The following USH2A variants were observed in gnomAD, a reference collection of about 807,000 sequenced individuals.
The protein encoded by USH2A is Usher syndrome 2A (autosomal recessive, mild).
USH2A carries 443 observed loss-of-function variants against 538.9 expected under a neutral mutation model. That is an observed-to-expected ratio of 0.82 (90% confidence interval 0.76 to 0.89). The LOEUF (loss-of-function observed/expected upper bound fraction) is 0.89. Among genes scored for constraint, USH2A ranks in the 40% least tolerant of loss-of-function variants. The pLI, the probability that USH2A is intolerant of heterozygous loss-of-function variation, is 0.00. For synonymous variants in USH2A, 2,413 were observed against 2,273.5 expected (o/e 1.06, Z -1.75); for missense variants, 6,633 against 6,324.8 (o/e 1.05, Z -1.65).
intron 50 of USH2A, among the ~76,000 whole-genome samples, chr1:215,797,551 T>C (rs537891425): frequency 6.6e-6 from 1 of 152,220 alleles, no homozygotes; most frequent in South Asian, 2.1e-4. Context: ...CCCATGCTCA[T>C]TGACCACTGC....
At chr1:216,337,638 C>CT (rs1030353886) in intron 4 of USH2A, among the ~76,000 whole-genome samples, 9 of 151,074 alleles carry the variant, frequency 6.0e-5, no homozygotes, top group African/African-American at 2.2e-4. Context: ...GCTCTCACTG[C>CT]TTTTTTTTCC....
chr1:215,958,146 A>C (rs11589248), intron 37 of USH2A, among the ~76,000 whole-genome samples: 28,888 of 151,944 alleles, frequency 0.19, 3,061 homozygotes, highest in African/African-American at 0.29. Context: ...TTTTTTTTCC[A>C]TCTTGTAATT....
chr1:215,919,002 C>A (rs1336777206), intron 38 of USH2A, among the ~76,000 whole-genome samples: 2 of 151,884 alleles, frequency 1.3e-5, no homozygotes, highest in South Asian at 2.1e-4. Flanking sequence ...AATAACGCTT[C>A]TTTTATTTTT....
chr1:216,355,190 C>T (rs2038360077), intron 4 of USH2A, among the ~76,000 whole-genome samples: 1 of 151,862 alleles, frequency 6.6e-6, no homozygotes, highest in Non-Finnish European at 1.5e-5. Flanking sequence ...GTAATCTCAG[C>T]TACTCGGGAG....
In USH2A at chr1:215,879,089, T is replaced by G. The variant is rs2102452018; in HGVS notation, c.8233A>C (p.Lys2745Gln). The G allele has an allele frequency of 6.2e-6, 10 of 1,613,532 alleles. No homozygotes were observed. The highest frequency in any genetic ancestry group is 8.5e-6 in the Non-Finnish European group (10 of 1,179,644). Reference sequence around the variant, plus strand: ...TCTCCGTTCTGGATGAGTGGGGGTTTCCAAGTGACCTGAAATGAAAGATAA... The same window carrying G: ...TCTCCGTTCTGGATGAGTGGGGGTTGCCAAGTGACCTGAAATGAAAGATAA... ...LEPDAVQVTW[K>Q]PPLIQNGDIL... is the part of the protein sequence containing the mutation. Residue 2745 changes from lysine (K) to glutamine (Q), a missense_variant, in exon 42 of 72, where the codon AAA becomes CAA. Lys to Gln is a moderately conservative substitution (Grantham distance 53). Coordinates refer to ENST00000307340, the MANE Select transcript of USH2A (RefSeq NM_206933.4).
intron 37 of USH2A, among the ~76,000 whole-genome samples, chr1:215,943,258 G>T (rs1279153194): frequency 2.0e-5 from 3 of 152,050 alleles, no homozygotes; most frequent in Non-Finnish European, 4.4e-5. Flanking sequence ...GGGAAAAAAT[G>T]ATATATATTC....
intron 32 of USH2A, among the ~76,000 whole-genome samples, chr1:216,023,459 C>CAAAAAAAAAAAAAAAAA: frequency 1.6e-3 from 74 of 46,894 alleles, no homozygotes; most frequent in South Asian, 2.9e-3. Context: ...TCAAAGCAGA[C>CAAAAAAAAAAAAAAAAA]AAAAAAAAAA....
At chr1:216,197,112 T>C (rs1409915920) in intron 18 of USH2A, among the ~76,000 whole-genome samples, 1 of 152,122 alleles carries the variant, frequency 6.6e-6, no homozygotes, top group Non-Finnish European at 1.5e-5. Flanking sequence ...GGATTTCCCA[T>C]GTAGGGAAAT....
In USH2A at chr1:216,234,613, G is replaced by T. The variant is rs1387157842; in HGVS notation, c.2810-2477C>A. On this transcript the variant is annotated intron_variant, in intron 13 of 71. Coordinates refer to ENST00000307340, the MANE Select transcript of USH2A (RefSeq NM_206933.4). ...CTAGGCCCTTAAATCCATGATGATG[G>T]CATCATGAATGTGCTAACAGCTCTC... Among the ~76,000 whole-genome samples, 5 of 151,906 alleles carry T rather than the reference G, an allele frequency of 3.3e-5. No individual in the cohort carries two copies. The South Asian group carries it at 8.3e-4, about 25-fold the overall frequency.
chr1:216,198,079 C>T (rs186455622), intron 18 of USH2A, among the ~76,000 whole-genome samples: 28 of 152,152 alleles, frequency 1.8e-4, no homozygotes, highest in East Asian at 9.7e-4. Flanking sequence ...AAGCCATTTT[C>T]GCCCCATGAA....
At position 215,623,149 on chromosome 1, in the gene USH2A, A is replaced by C. The variant is rs898330894; in HGVS notation, c.*2632T>G. On this transcript the variant is annotated 3_prime_UTR_variant, in exon 72 of 72. Transcript: ENST00000307340. The stretch of plus-strand genomic sequence containing the variant: ...AGTAGATTATAAACACATTTCTTAG[A>C]GTGTATAAAAACAACTGTACTCTTA... The C allele has an allele frequency of 3.3e-5, 5 of 152,130 alleles. No homozygotes were observed. Among genetic ancestry groups the C allele is most frequent in the Non-Finnish European group, 5.9e-5 (4 of 68,006 alleles). 9.4% of individuals were successfully genotyped at this position (152,130 alleles called of 1,614,324 possible).
intron 21 of USH2A, among the ~76,000 whole-genome samples, chr1:216,166,601 G>A (rs925734087): frequency 2.6e-5 from 4 of 152,226 alleles, no homozygotes; most frequent in South Asian, 4.1e-4. Context: ...AGATGTATCC[G>A]AGGAAGAACG....
chr1:215,672,938 T>A (rs923621734), intron 63 of USH2A, among the ~76,000 whole-genome samples: 1 of 152,208 alleles, frequency 6.6e-6, no homozygotes, highest in East Asian at 1.9e-4. Flanking sequence ...CTTTCACCTC[T>A]AGAATACTTT....
chr1:216,397,828 TTCTA>T (rs1401726654), intron 3 of USH2A, among the ~76,000 whole-genome samples: 1 of 152,244 alleles, frequency 6.6e-6, no homozygotes, highest in Admixed American at 6.5e-5. Flanking sequence ...GCTTCTATCA[TTCTA>T]TAGCTTGCTG....
intron 61 of USH2A, among the ~76,000 whole-genome samples, chr1:215,681,505 C>T (rs978645706): frequency 7.2e-5 from 11 of 152,040 alleles, no homozygotes; most frequent in African/African-American, 2.4e-4. Flanking sequence ...TGTCTTCTTT[C>T]CTTGATGAAC....
intron 30 of USH2A, among the ~76,000 whole-genome samples, chr1:216,066,314 CA>C (rs369447952): frequency 5.6e-3 from 854 of 151,714 alleles, no homozygotes; most frequent in East Asian, 6.6e-3. Context: ...ACTAAAAATA[CA>C]AAAAAAATTA....
rs376920744 is a variant in USH2A at position 216,370,976 on chromosome 1, C to T, written c.652-5891G>A. 9.8e-5 allele frequency among the ~76,000 whole-genome samples: 15 copies of T among 152,316 alleles called. 1 individual carries two copies. The highest frequency in any genetic ancestry group is 3.9e-4 in the Admixed American group (6 of 15,300). ...TGAACATTTTCCCTATATCATCCCACTGCCTTCCCAGATCGCTGCTTCACA... is the reference window on the plus strand; with the variant it reads ...TGAACATTTTCCCTATATCATCCCATTGCCTTCCCAGATCGCTGCTTCACA... On this transcript the variant is annotated intron_variant, in intron 3 of 71. Transcript: ENST00000307340.
intron 43 of USH2A, among the ~76,000 whole-genome samples, chr1:215,876,496 T>G (rs540268853): frequency 6.6e-6 from 1 of 152,316 alleles, no homozygotes; most frequent in South Asian, 2.1e-4. Context: ...TTTTAAGTAT[T>G]CAGGTGTAGG....
chr1:216,135,261 G>A (rs900872139), intron 21 of USH2A, among the ~76,000 whole-genome samples: 3 of 150,394 alleles, frequency 2.0e-5, no homozygotes, highest in Non-Finnish European at 3.0e-5. Flanking sequence ...GACTCAACAA[G>A]GTGCTTATCT....
Sources: allele counts gnomAD v4.1 joint callset (sites outside exome capture counted in the v4.1 genomes callset), GRCh38; gene constraint gnomAD v4.1.1; transcripts MANE v1.5; gene names NCBI Gene and HGNC (gene_info 2026-07-23, HGNC 2026-07-21).